UVRAG: variants seen among roughly 807,000 people sequenced by gnomAD.
UVRAG encodes the protein UV radiation resistance-associated gene protein.
UVRAG carries 19 observed loss-of-function variants against 78.0 expected under a neutral mutation model. The ratio of observed to expected loss-of-function variants is 0.24; its 90% CI spans 0.17 to 0.36. The LOEUF is 0.36. Among genes scored for constraint, UVRAG ranks in the 10% least tolerant of loss-of-function variants. The pLI, the probability that UVRAG is intolerant of heterozygous loss-of-function variation, is 1.00. For missense variants in UVRAG, 740 were observed against 853.8 expected (o/e 0.87, Z 1.66); for synonymous variants, 323 against 324.6 (o/e 1.00, Z 0.05).
intron 6 of UVRAG, among the ~76,000 whole-genome samples, chr11:75,950,315 A>T (rs1223157404): frequency 6.6e-6 from 1 of 152,180 alleles, no homozygotes; most frequent in Non-Finnish European, 1.5e-5. Context: ...CTCGGAGTGC[A>T]GTAGTGCAGT....
At position 76,141,470 on chromosome 11, in the gene UVRAG, G is replaced by T; in HGVS notation, c.*57G>T. The stretch of plus-strand genomic sequence containing the variant: ...AAGCTCTGCCTAAAATGAAGTGAAA[G>T]CTGCACTTAACCCTTTGTGATAATG... On this transcript the variant is annotated 3_prime_UTR_variant, in exon 15 of 15. Coordinates refer to ENST00000356136, the MANE Select transcript of UVRAG (RefSeq NM_003369.4). The T allele has an allele frequency of 6.7e-7, 1 of 1,489,056 alleles. No individual in the cohort carries two copies. The highest frequency in any genetic ancestry group is 9.2e-7 in the Non-Finnish European group (1 of 1,089,746). 92.2% of individuals were successfully genotyped at this position (1,489,056 alleles called of 1,614,324 possible).
chr11:76,038,654 C>T (rs1255293869), intron 12 of UVRAG, among the ~76,000 whole-genome samples: 2 of 152,218 alleles, frequency 1.3e-5, no homozygotes, highest in East Asian at 1.9e-4. Context: ...AACCATTTGA[C>T]TTTGAGTTAA....
intron 1 of UVRAG, among the ~76,000 whole-genome samples, chr11:75,815,768 A>G (rs1048389818): frequency 2.6e-5 from 4 of 152,152 alleles, no homozygotes; most frequent in African/African-American, 9.6e-5. Context: ...AGGGACAAGC[A>G]GCCAGCCAGC....
At chr11:75,869,304 A>G (rs1946598543) in intron 3 of UVRAG, among the ~76,000 whole-genome samples, 1 of 152,230 alleles carries the variant, frequency 6.6e-6, no homozygotes, top group South Asian at 2.1e-4. Context: ...TATCAGAACT[A>G]TAAAGTTCTG....
At chr11:76,115,849 C>T in intron 13 of UVRAG, 75 bp from the exon 14 acceptor site, 5 of 1,326,636 alleles carry the variant, frequency 3.8e-6, no homozygotes, top group Non-Finnish European at 5.3e-6. Context: ...AAAAAAATAA[C>T]TTGTTTAGTG....
rs558247534 is a variant in UVRAG, at chr11:76,079,257, G to T, written c.1305+13469G>T. On this transcript the variant is annotated intron_variant, in intron 13 of 14. Transcript: ENST00000356136. The stretch of plus-strand genomic sequence containing the variant: ...CCAACATTTTGGGAGGCCAAGGCAG[G>T]AGGATCACTTGAGCTCAGGAGTTCG... Among the ~76,000 whole-genome samples the T allele has an allele frequency of 2.6e-5, 4 of 152,316 alleles. No individual in the cohort carries two copies. The East Asian group carries it at 7.7e-4, about 29-fold the overall frequency.
At chr11:75,880,185 T>G in intron 4 of UVRAG, 145 bp downstream of exon 4, 1 of 882,170 alleles carries the variant, frequency 1.1e-6, no homozygotes, top group African/African-American at 1.7e-5. Flanking sequence ...GAGACCTTGA[T>G]GATCATTTAC....
At position 76,065,842 on chromosome 11, in the gene UVRAG, T is replaced by TA. The variant is rs1255343526; in HGVS notation, c.1305+55dup. On this transcript the variant is annotated intron_variant, in intron 13 of 14. Coordinates refer to ENST00000356136, the MANE Select transcript of UVRAG (RefSeq NM_003369.4). ...ACTTCCCATGCACAGCCTGTTTCCT[T>TA]AGATTGCCAGCCTTTTTTCTTTATA... 3.9e-5 allele frequency: 60 copies of TA among 1,546,796 alleles called. 1 individual carries two copies. The East Asian group carries it at 1.1e-3, about 30-fold the overall frequency.
intron 6 of UVRAG, among the ~76,000 whole-genome samples, chr11:75,959,810 C>T (rs1345455566): frequency 6.6e-6 from 1 of 152,152 alleles, no homozygotes; most frequent in Non-Finnish European, 1.5e-5. Context: ...AAGTGAGAGA[C>T]ATAGGACTAT....
chr11:75,925,173 T>TC (rs1948071317), intron 6 of UVRAG, among the ~76,000 whole-genome samples: 1 of 152,158 alleles, frequency 6.6e-6, no homozygotes, highest in Non-Finnish European at 1.5e-5. Context: ...ACTTCTACAT[T>TC]CCCGCTGGTG....
chr11:75,850,697 G>A (rs1345512215), intron 1 of UVRAG, among the ~76,000 whole-genome samples: 4 of 152,242 alleles, frequency 2.6e-5, no homozygotes, highest in African/African-American at 9.6e-5. Flanking sequence ...CTAATGAAAA[G>A]TGTGTAGCAG....
intron 7 of UVRAG, among the ~76,000 whole-genome samples, chr11:75,974,423 G>T (rs1349071072): frequency 7.2e-6 from 1 of 139,424 alleles, no homozygotes; most frequent in African/African-American, 2.7e-5. Flanking sequence ...GCGGACTGCA[G>T]TGGCGCAATC....
intron 14 of UVRAG, among the ~76,000 whole-genome samples, chr11:76,124,203 G>C (rs1472191136): frequency 1.3e-5 from 2 of 152,224 alleles, no homozygotes; most frequent in Non-Finnish European, 2.9e-5. Context: ...GTATTATTAA[G>C]TATTGTTTTT....
At chr11:75,942,083 A>G (rs1948495321) in intron 6 of UVRAG, 3 of 152,218 alleles carry the variant, frequency 2.0e-5, no homozygotes, top group Admixed American at 1.3e-4. Context: ...ACTACATTGC[A>G]AAAGAACTAT....
intron 7 of UVRAG, among the ~76,000 whole-genome samples, chr11:75,980,983 C>T (rs757636560): frequency 6.2e-4 from 94 of 152,112 alleles, no homozygotes; most frequent in Non-Finnish European, 1.0e-3. Context: ...AGAGTTTTAT[C>T]AATTTTATTT....
chr11:75,954,280 T>C (rs539122850), intron 6 of UVRAG, among the ~76,000 whole-genome samples: 9 of 152,310 alleles, frequency 5.9e-5, no homozygotes, highest in Admixed American at 5.9e-4. Flanking sequence ...GAGAGCCAAA[T>C]AGTTGAAGTC....
At chr11:76,088,306 C>T (rs1951630630) in intron 13 of UVRAG, among the ~76,000 whole-genome samples, 1 of 152,110 alleles carries the variant, frequency 6.6e-6, no homozygotes, top group Admixed American at 6.6e-5. Flanking sequence ...AAGGTAGAGT[C>T]CTGCTGAAAT....
chr11:75,986,649 A>C (rs1465296054), intron 8 of UVRAG, among the ~76,000 whole-genome samples: 1 of 152,184 alleles, frequency 6.6e-6, no homozygotes, highest in East Asian at 1.9e-4. Context: ...TAATTTTGCC[A>C]TTGAAAGTGT....
At chr11:75,897,346 A>G (rs1947364361) in intron 5 of UVRAG, among the ~76,000 whole-genome samples, 1 of 152,168 alleles carries the variant, frequency 6.6e-6, no homozygotes, top group Admixed American at 6.5e-5. Flanking sequence ...TCATCTCAAA[A>G]GTAAGAAAAT....
Sources: gnomAD v4.1 joint callset for allele counts (sites outside exome capture counted in the v4.1 genomes callset) on GRCh38, gnomAD v4.1.1 for gene constraint, MANE v1.5 for transcripts, NCBI Gene and HGNC (gene_info 2026-07-23, HGNC 2026-07-21) for gene names.